The following N4BP2 variants were observed in gnomAD, a reference collection of about 807,000 sequenced individuals.
N4BP2 encodes NEDD4-binding protein 2.
A neutral mutation model predicts 152.8 loss-of-function variants in N4BP2; 91 were observed. The ratio of observed to expected loss-of-function variants is 0.60; its 90% CI spans 0.50 to 0.71. N4BP2 has a LOEUF of 0.71. Ranked by LOEUF, N4BP2 falls within the 30% of genes least tolerant of loss-of-function variation. N4BP2 has a pLI of 0.00. For missense variants in N4BP2, 1,923 were observed against 2,059.1 expected (o/e 0.93, Z 1.28); for synonymous variants, 646 against 705.3 (o/e 0.92, Z 1.33).
chr4:40,063,627 T>G (rs181524513), intron 1 of N4BP2, among the ~76,000 whole-genome samples: 526 of 152,216 alleles, frequency 3.5e-3, no homozygotes, highest in Non-Finnish European at 5.5e-3. Flanking sequence ...ATTTATTTAT[T>G]TTTAATTAAA....
At position 40,155,513 on chromosome 4, in the gene N4BP2, G is replaced by A. The variant is rs1264055090; in HGVS notation, c.*1276G>A. 1 of 152,178 alleles carries A rather than the reference G, an allele frequency of 6.6e-6. No homozygotes were observed. The highest frequency in any genetic ancestry group is 2.4e-5 in the African/African-American group (1 of 41,454). 9.4% of individuals were successfully genotyped at this position (152,178 alleles called of 1,614,324 possible). A position where few individuals can be genotyped will look rare whatever the true frequency, so the allele number is the denominator to read the frequency against. ...AAAAGAGCCAACTTTCTCAAAGGAA[G>A]CTGTCATTAACTTCTGTTGTTTGGT... is the stretch of plus-strand genomic sequence containing the variant. On this transcript the variant is annotated 3_prime_UTR_variant, in exon 18 of 18. Coordinates refer to ENST00000261435, the MANE Select transcript of N4BP2 (RefSeq NM_018177.6).
In N4BP2 at chr4:40,120,931, A is replaced by G. The variant is rs777886940; in HGVS notation, c.2820A>G (p.Thr940=). Residue 940 remains threonine, a synonymous_variant, in exon 9 of 18, where the codon ACA becomes ACG. Coordinates refer to ENST00000261435, the MANE Select transcript of N4BP2 (RefSeq NM_018177.6). Reference sequence around the variant, plus strand: ...GCACAAGCTCTCAAAAACTAAAGACATTGGGTAGCTCCAATCTAGGAAGTT... The same window carrying G: ...GCACAAGCTCTCAAAAACTAAAGACGTTGGGTAGCTCCAATCTAGGAAGTT... ...CWGTSSQKLK[T]LGSSNLGSSE... is the part of the protein sequence containing the mutation. 1.2e-6 allele frequency: 2 copies of G among 1,614,166 alleles called. No individual in the cohort carries two copies. Among genetic ancestry groups the G allele is most frequent in the South Asian group, 2.2e-5 (2 of 91,082 alleles).
the N4BP2 span, among the ~76,000 whole-genome samples, chr4:40,164,999 T>C: frequency 6.6e-6 from 1 of 152,180 alleles, no homozygotes; most frequent in East Asian, 1.9e-4. Flanking sequence ...TTCTTTTCAT[T>C]GTTCTGTCCT....
chr4:40,106,366 C>G (rs1716287439), intron 4 of N4BP2, among the ~76,000 whole-genome samples: 1 of 151,686 alleles, frequency 6.6e-6, no homozygotes, highest in Non-Finnish European at 1.5e-5. Context: ...ATTCTGACTC[C>G]AGTGCAGTGG....
At chr4:40,182,691 TAGAG>T in the N4BP2 span, among the ~76,000 whole-genome samples, 1 of 152,000 alleles carries the variant, frequency 6.6e-6, no homozygotes, top group Non-Finnish European at 1.5e-5. Context: ...TACATATGTA[TAGAG>T]AGACAGAGTC....
downstream of N4BP2, among the ~76,000 whole-genome samples, chr4:40,161,625 C>G (rs548841707): frequency 1.6e-4 from 25 of 152,140 alleles, no homozygotes; most frequent in South Asian, 1.0e-3. Flanking sequence ...GAGATACATG[C>G]TGAAATATGT....
chr4:40,131,101 T>C (rs777432914), intron 12 of N4BP2, among the ~76,000 whole-genome samples: 1 of 152,186 alleles, frequency 6.6e-6, no homozygotes, highest in Admixed American at 6.6e-5. Context: ...GTTTGTACAC[T>C]GTAGTTTCTG....
At chr4:40,059,856 A>G (rs547947859) in intron 1 of N4BP2, among the ~76,000 whole-genome samples, 6 of 152,166 alleles carry the variant, frequency 3.9e-5, no homozygotes, top group South Asian at 2.1e-4. Flanking sequence ...GATTTGCACT[A>G]TTCTTACAGG....
intron 14 of N4BP2, among the ~76,000 whole-genome samples, chr4:40,141,585 C>T (rs1179474557): frequency 2.0e-5 from 3 of 151,046 alleles, no homozygotes; most frequent in Non-Finnish European, 4.4e-5. Context: ...CGGGCAGAGA[C>T]GCTCCTCACT....
intron 13 of N4BP2, among the ~76,000 whole-genome samples, chr4:40,135,845 G>A (rs1302409137): frequency 6.6e-6 from 1 of 152,214 alleles, no homozygotes; most frequent in Non-Finnish European, 1.5e-5. Flanking sequence ...GGGATTACAG[G>A]CGTGAGCCAC....
chr4:40,118,826 TTC>T (rs1304071693), intron 8 of N4BP2, among the ~76,000 whole-genome samples: 1 of 152,192 alleles, frequency 6.6e-6, no homozygotes, highest in Non-Finnish European at 1.5e-5. Flanking sequence ...GTAGCACTGA[TTC>T]TGTTTAGCAA....
intron 2 of N4BP2, among the ~76,000 whole-genome samples, chr4:40,089,435 C>CTTT (rs1281842286): frequency 2.8e-4 from 31 of 111,142 alleles, no homozygotes; most frequent in African/African-American, 3.4e-4. Flanking sequence ...TCAGTTTTGC[C>CTTT]TTTTTTTTTT....
chr4:40,078,563 C>T (rs139341486), intron 2 of N4BP2, among the ~76,000 whole-genome samples: 197 of 148,350 alleles, frequency 1.3e-3, no homozygotes, highest in African/African-American at 4.6e-3. Flanking sequence ...CTCGCTTTAT[C>T]GCCCAGGCTG....
Position 40,116,287 on chromosome 4 carries a change from A to G in N4BP2, c.1665-1582A>G, listed in dbSNP as rs911662789. On this transcript the variant is annotated intron_variant, in intron 7 of 17. Transcript: ENST00000261435. The stretch of plus-strand genomic sequence containing the variant: ...TCTTTTATGGTTATTTTGGTTATTC[A>G]TATAATTGATCTTGTTTCTTAGAAT... Among the ~76,000 whole-genome samples the G allele has an allele frequency of 2.6e-5, 4 of 152,190 alleles. No individual in the cohort carries two copies. The East Asian group carries it at 7.7e-4, about 29-fold the overall frequency.
At chr4:40,106,800 A>G (rs2109971100) in intron 4 of N4BP2, 100 bp from the exon 5 acceptor site, 2 of 1,132,910 alleles carry the variant, frequency 1.8e-6, no homozygotes, top group East Asian at 2.5e-5. Context: ...CCACAAAATG[A>G]TAGTACTTGA....
chr4:40,130,321 C>T (rs1031574669), intron 12 of N4BP2, among the ~76,000 whole-genome samples: 1 of 152,106 alleles, frequency 6.6e-6, no homozygotes, highest in Non-Finnish European at 1.5e-5. Flanking sequence ...TGAGCCACTG[C>T]ACCCAGCCAG....
intron 10 of N4BP2, among the ~76,000 whole-genome samples, chr4:40,123,727 C>T (rs1424530119): frequency 1.3e-5 from 2 of 151,928 alleles, no homozygotes; most frequent in African/African-American, 4.8e-5. Context: ...TTAAGTGATC[C>T]TCCTGCCTTG....
At chr4:40,081,272 A>C (rs1713341184) in intron 2 of N4BP2, among the ~76,000 whole-genome samples, 1 of 152,162 alleles carries the variant, frequency 6.6e-6, no homozygotes, top group African/African-American at 2.4e-5. Flanking sequence ...AGTCTAATTT[A>C]AGTCAGTCCC....
chr4:40,137,108 A>C (rs1719477597), intron 14 of N4BP2, 26 bp downstream of exon 14: 1 of 1,561,784 alleles, frequency 6.4e-7, no homozygotes, highest in African/African-American at 1.4e-5. Context: ...TTTTTTTTCT[A>C]CAAGGGTAGA....
Sources: allele counts gnomAD v4.1 joint callset (sites outside exome capture counted in the v4.1 genomes callset), GRCh38; gene constraint gnomAD v4.1.1; transcripts MANE v1.5; gene names NCBI Gene and HGNC (gene_info 2026-07-23, HGNC 2026-07-21).